GLYATL2: variants seen among roughly 807,000 people sequenced by gnomAD.
GLYATL2 encodes the protein glycine-N-acyltransferase like 2, also known as glycine N-acyltransferase-like protein 2.
A neutral mutation model predicts 21.4 loss-of-function variants in GLYATL2; 25 were observed. The ratio of observed to expected loss-of-function variants is 1.17; its 90% CI spans 0.85 to 1.63. The LOEUF (loss-of-function observed/expected upper bound fraction) is 1.63, where lower values mean the gene tolerates loss of function less well. GLYATL2 is among the 40% of genes most tolerant of loss of function. The probability of loss-of-function intolerance (pLI) is 0.00; values close to 1 mark genes in which losing one functional copy is unlikely to be tolerated. For synonymous variants in GLYATL2, 114 were observed against 118.2 expected (o/e 0.96, Z 0.23); for missense variants, 361 against 343.3 (o/e 1.05, Z -0.41).
At chr11:58,895,967 C>T (rs1486228259) in intron 1 of GLYATL2, among the ~76,000 whole-genome samples, 1 of 152,044 alleles carries the variant, frequency 6.6e-6, no homozygotes, top group East Asian at 1.9e-4. Context: ...AATTCTTTGC[C>T]TCAGCCTCCT....
rs536173097 is a variant in GLYATL2, at chr11:58,853,776, C to A, written n.61-15408G>T. 5.9e-5 allele frequency among the ~76,000 whole-genome samples: 9 copies of A among 152,136 alleles called. No homozygotes were observed. The South Asian group carries it at 1.0e-3, about 18-fold the overall frequency. ...TACATTGTAAAATGGCACAATAGAG[C>A]TAATTAATATATGCACTATCATATA... On this transcript the variant is annotated intron_variant and non_coding_transcript_variant, in intron 1 of 4. Coordinates refer to the GLYATL2 transcript ENST00000533636.
At chr11:58,890,110 C>T (rs1164000998) in intron 1 of GLYATL2, among the ~76,000 whole-genome samples, 2 of 152,120 alleles carry the variant, frequency 1.3e-5, no homozygotes, top group Admixed American at 6.6e-5. Flanking sequence ...TCCCTCCACC[C>T]TCTAGTAGTC....
chr11:58,880,439 C>A (rs1023644674), intron 1 of GLYATL2, among the ~76,000 whole-genome samples: 2 of 152,152 alleles, frequency 1.3e-5, no homozygotes, highest in African/African-American at 4.8e-5. Context: ...TCTCATGTAT[C>A]AGCCAAGGCT....
intron 2 of GLYATL2, 51 bp downstream of exon 2, chr11:58,839,484 C>G: frequency 4.4e-6 from 5 of 1,127,720 alleles, no homozygotes; most frequent in Admixed American, 2.0e-5. Context: ...TGAATCTGTC[C>G]TCCTCTCAAC....
upstream of GLYATL2, chr11:58,907,130 G>C: frequency 2.7e-6 from 1 of 366,972 alleles, no homozygotes; most frequent in Admixed American, 3.2e-5. Flanking sequence ...TTCTTTCCTG[G>C]CCTTGGAAAG....
intron 1 of GLYATL2, among the ~76,000 whole-genome samples, chr11:58,871,977 T>A (rs1465249302): frequency 6.6e-6 from 1 of 151,172 alleles, no homozygotes; most frequent in Non-Finnish European, 1.5e-5. Flanking sequence ...ATCACCATTC[T>A]AACTGGTGTG....
chr11:58,888,812 G>A (rs548970567), intron 1 of GLYATL2, among the ~76,000 whole-genome samples: 1 of 151,846 alleles, frequency 6.6e-6, no homozygotes, highest in Admixed American at 6.6e-5. Flanking sequence ...GTACACAATT[G>A]CATAATGTAC....
upstream of GLYATL2, chr11:58,844,792 G>A (rs1411586560): frequency 6.6e-6 from 1 of 152,136 alleles, no homozygotes; most frequent in Non-Finnish European, 1.5e-5. Flanking sequence ...ATTTTCCATT[G>A]TTGGCAAAAA....
intron 1 of GLYATL2, chr11:58,892,717 G>A (rs1159481480): frequency 1.7e-5 from 6 of 353,320 alleles, no homozygotes. Flanking sequence ...CAAAGTCAGT[G>A]AAGGTAGAGC....
At chr11:58,879,458 A>T (rs964798211) in intron 1 of GLYATL2, among the ~76,000 whole-genome samples, 23 of 152,356 alleles carry the variant, frequency 1.5e-4, no homozygotes, top group Middle Eastern at 3.4e-3. Flanking sequence ...TGTCATTCAC[A>T]AATTTATTAT....
At chr11:58,852,427 A>T (rs911051809) in intron 1 of GLYATL2, among the ~76,000 whole-genome samples, 2 of 152,280 alleles carry the variant, frequency 1.3e-5, no homozygotes, top group Non-Finnish European at 2.9e-5. Flanking sequence ...CGTTTTGAAT[A>T]ACAATGACCT....
At chr11:58,894,579 A>G (rs1469533464) in intron 1 of GLYATL2, among the ~76,000 whole-genome samples, 1 of 152,078 alleles carries the variant, frequency 6.6e-6, no homozygotes, top group Non-Finnish European at 1.5e-5. Context: ...GTCTACCAGT[A>G]TTAACCAACA....
intron 1 of GLYATL2, among the ~76,000 whole-genome samples, chr11:58,876,159 C>G (rs1229826997): frequency 6.6e-6 from 1 of 152,168 alleles, no homozygotes; most frequent in African/African-American, 2.4e-5. Context: ...TTAAGGACTT[C>G]TCTGCATTGG....
At chr11:58,883,569 T>C (rs2134614500) in intron 1 of GLYATL2, among the ~76,000 whole-genome samples, 1 of 152,260 alleles carries the variant, frequency 6.6e-6, no homozygotes, top group Middle Eastern at 3.4e-3. Flanking sequence ...ATTGAGACAA[T>C]TATCAATAGC....
intron 1 of GLYATL2, among the ~76,000 whole-genome samples, chr11:58,896,579 C>G (rs1854638817): frequency 6.6e-6 from 1 of 152,162 alleles, no homozygotes; most frequent in Admixed American, 6.5e-5. Flanking sequence ...GTCACTTTAG[C>G]CTGATGAATG....
intron 1 of GLYATL2, chr11:58,892,687 G>A (rs760713500): frequency 1.4e-5 from 5 of 357,272 alleles, no homozygotes; most frequent in Non-Finnish European, 2.1e-5. Context: ...TAGGTGAGGG[G>A]ATAAGAGCAG....
Position 58,875,156 on chromosome 11 carries a change from A to T in GLYATL2, n.60+29000T>A, listed in dbSNP as rs563817407. 3.2e-3 allele frequency among the ~76,000 whole-genome samples: 489 copies of T among 152,168 alleles called. 5 individuals carry two copies. The highest frequency in any genetic ancestry group is 0.011 in the African/African-American group (450 of 41,510). ...CCATTTGCTTGGTAGATCTTCCTCC[A>T]TCCCTTTATTTTGGGCCTATGTGTG... On this transcript the variant is annotated intron_variant and non_coding_transcript_variant, in intron 1 of 4. Coordinates refer to the GLYATL2 transcript ENST00000533636.
intron 1 of GLYATL2, among the ~76,000 whole-genome samples, chr11:58,882,667 C>A (rs1418092212): frequency 2.2e-4 from 34 of 152,140 alleles, no homozygotes; most frequent in Admixed American, 2.2e-3. Flanking sequence ...ATGCCGATGT[C>A]CTGAATGGTA....
chr11:58,835,014 G>A (rs1853403653), intron 5 of GLYATL2, among the ~76,000 whole-genome samples, 177 bp from the exon 6 acceptor site: 1 of 152,138 alleles, frequency 6.6e-6, no homozygotes, highest in African/African-American at 2.4e-5. Context: ...TAGTTGATGG[G>A]GGAACACTGT....
Sources: gnomAD v4.1 joint callset for allele counts (sites outside exome capture counted in the v4.1 genomes callset) on GRCh38, gnomAD v4.1.1 for gene constraint, MANE v1.5 for transcripts, NCBI Gene and HGNC (gene_info 2026-07-23, HGNC 2026-07-21) for gene names.